SNCAIP: variants seen among roughly 807,000 people sequenced by gnomAD.
SNCAIP encodes the protein synphilin-1.
Under a neutral mutation model 86.7 loss-of-function variants are expected in SNCAIP, and 43 were observed. The observed-to-expected ratio is 0.50, with a 90% CI of 0.39 to 0.64. The LOEUF is 0.64. Ranked by LOEUF, SNCAIP falls within the 30% of genes least tolerant of loss-of-function variation. The pLI is 0.00. For synonymous variants in SNCAIP, 417 were observed against 427.2 expected (o/e 0.98, Z 0.29); for missense variants, 981 against 1,103.1 (o/e 0.89, Z 1.57).
At chr5:122,442,112 C>CT (rs10688988) in intron 7 of SNCAIP, among the ~76,000 whole-genome samples, 19,482 of 66,344 alleles carry the variant, frequency 0.29, 2,959 homozygotes, top group Non-Finnish European at 0.33. Flanking sequence ...AAGCAGTACT[C>CT]TTTTTTTTTT....
intron 6 of SNCAIP, among the ~76,000 whole-genome samples, chr5:122,433,380 G>C (rs938776284): frequency 1.3e-5 from 2 of 152,084 alleles, no homozygotes; most frequent in South Asian, 4.1e-4. Flanking sequence ...TAAGAGCAAA[G>C]ACTAGATTTC....
rs565716010 is a variant in SNCAIP, at chr5:122,333,921, C to T, written c.-47+21637C>T. ...TTTGCAGATAGACGACAATAAGAAG[C>T]CAGAAATTGTGGGGAAATGGAATGT... is the stretch of plus-strand genomic sequence containing the variant. On this transcript the variant is annotated intron_variant, in intron 1 of 10. Transcript: ENST00000261368. Among the ~76,000 whole-genome samples, 93 of 152,146 alleles carry T rather than the reference C, an allele frequency of 6.1e-4. 3 individuals carry two copies. In the South Asian group the frequency reaches 0.019, roughly 31 times the overall value.
chr5:122,390,276 A>G (rs940837797), intron 1 of SNCAIP, among the ~76,000 whole-genome samples: 23 of 152,186 alleles, frequency 1.5e-4, no homozygotes, highest in Admixed American at 6.5e-4. Context: ...CAGGAGATCT[A>G]TATTTCTGCT....
intron 10 of SNCAIP, among the ~76,000 whole-genome samples, chr5:122,454,802 C>T (rs543653524): frequency 6.6e-6 from 1 of 152,304 alleles, no homozygotes; most frequent in African/African-American, 2.4e-5. Flanking sequence ...GGGAGCAAGA[C>T]AATTAGTATC....
chr5:122,401,188 G>GCTTC, intron 2 of SNCAIP: 1 of 1,458,766 alleles, frequency 6.9e-7, no homozygotes, highest in Non-Finnish European at 9.2e-7. Context: ...TGGGATGAAG[G>GCTTC]CCTGGGAAGC....
chr5:122,315,124 T>A (rs1329185193), intron 1 of SNCAIP, among the ~76,000 whole-genome samples: 1 of 152,260 alleles, frequency 6.6e-6, no homozygotes, highest in Non-Finnish European at 1.5e-5. Context: ...ATTGCCACTA[T>A]AGCTTATGAT....
At chr5:122,347,216 T>A (rs1291879814) in intron 1 of SNCAIP, among the ~76,000 whole-genome samples, 1 of 152,150 alleles carries the variant, frequency 6.6e-6, no homozygotes, top group African/African-American at 2.4e-5. Flanking sequence ...AAGGATAGAC[T>A]GTGAATTCTT....
chr5:122,391,163 A>G lies in SNCAIP; in HGVS notation c.29A>G (p.Asp10Gly), dbSNP rs1450884642. Residue 10 changes from aspartate (D) to glycine (G), a missense_variant, in exon 2 of 11, where the codon GAT (aspartate) becomes GGT (glycine). Asp to Gly is a moderately conservative substitution (Grantham distance 94). Coordinates refer to ENST00000261368, the MANE Select transcript of SNCAIP (RefSeq NM_005460.4). Reference sequence around the variant, plus strand: ...GAAGCCCCTGAATACCTTGATTTGGATGAAATTGACTTTAGTGATGACATA... The same window carrying G: ...GAAGCCCCTGAATACCTTGATTTGGGTGAAATTGACTTTAGTGATGACATA... MEAPEYLDL[D>G]EIDFSDDISY... The G allele has an allele frequency of 1.9e-6, 3 of 1,611,558 alleles. No individual in the cohort carries two copies. Among genetic ancestry groups the G allele is most frequent in the Non-Finnish European group, 2.5e-6 (3 of 1,177,792 alleles).
intron 7 of SNCAIP, among the ~76,000 whole-genome samples, chr5:122,442,112 C>CTT (rs10688988): frequency 0.12 from 7,549 of 65,478 alleles, 403 homozygotes; most frequent in Admixed American, 0.14. Context: ...AAGCAGTACT[C>CTT]TTTTTTTTTT....
At position 122,365,225 on chromosome 5, in the gene SNCAIP, C is replaced by T. The variant is rs1412269614; in HGVS notation, c.-46-25864C>T. Among the ~76,000 whole-genome samples the T allele has an allele frequency of 2.0e-5, 3 of 152,106 alleles. No individual in the cohort carries two copies. In the East Asian group the frequency reaches 5.8e-4, roughly 29 times the overall value. ...AACCATGAACCTTATTAATCGTGAC[C>T]AATTTTATGATATATGCTTTTCCCC... On this transcript the variant is annotated intron_variant, in intron 1 of 10. Transcript: ENST00000261368.
At chr5:122,358,329 G>A (rs55928972) in intron 1 of SNCAIP, among the ~76,000 whole-genome samples, 39 of 149,636 alleles carry the variant, frequency 2.6e-4, no homozygotes, top group South Asian at 4.3e-4. Flanking sequence ...TATATTAGGT[G>A]TATCTCCTAA....
chr5:122,423,472 T>C lies in SNCAIP; in HGVS notation c.735T>C (p.Cys245=). 7.4e-6 allele frequency: 12 copies of C among 1,614,200 alleles called. No homozygotes were observed. The highest frequency in any genetic ancestry group is 1.0e-5 in the Non-Finnish European group (12 of 1,180,030). The change falls in exon 4 of 11, where the codon TGT becomes TGC. Residue 245 remains cysteine (C), a synonymous_variant. Coordinates refer to ENST00000261368, the MANE Select transcript of SNCAIP (RefSeq NM_005460.4). ...ETEISPPLVK[C]GSAYEPENQS... ...AGATCTCACCTCCTCTGGTTAAATG[T>C]GGCTCTGCATATGAGCCTGAAAACC...
chr5:122,426,740 C>T lies in SNCAIP; in HGVS notation c.1182+1209C>T, dbSNP rs577169313. On this transcript the variant is annotated intron_variant, in intron 5 of 10. Transcript: ENST00000261368. ...AAGAAAGATAAATAGAACTAAACTA[C>T]AGGCAGCTATCATGAAGAAAGATAA... 3.3e-5 allele frequency among the ~76,000 whole-genome samples: 5 copies of T among 152,300 alleles called. No individual in the cohort carries two copies. In the South Asian group the frequency reaches 1.0e-3, roughly 32 times the overall value.
intron 6 of SNCAIP, among the ~76,000 whole-genome samples, chr5:122,432,863 G>T (rs1205995508): frequency 6.6e-6 from 1 of 152,088 alleles, no homozygotes; most frequent in Non-Finnish European, 1.5e-5. Context: ...AAAAATAATA[G>T]TACTGTGTTA....
intron 1 of SNCAIP, among the ~76,000 whole-genome samples, chr5:122,373,174 A>G (rs974662560): frequency 6.6e-6 from 1 of 152,126 alleles, no homozygotes; most frequent in African/African-American, 2.4e-5. Context: ...ATTATACTGT[A>G]TATAGGAAAT....
chr5:122,448,950 A>C (rs1325980253), intron 8 of SNCAIP, among the ~76,000 whole-genome samples: 3 of 150,266 alleles, frequency 2.0e-5, no homozygotes, highest in African/African-American at 7.4e-5. Context: ...CGGGAGGCGG[A>C]GCTTCCAGTG....
intron 1 of SNCAIP, among the ~76,000 whole-genome samples, chr5:122,361,235 C>T (rs908410675): frequency 2.0e-5 from 3 of 148,306 alleles, no homozygotes; most frequent in South Asian, 2.1e-4. Context: ...CTGTCTTTAT[C>T]ATTTGATAGT....
chr5:122,419,842 T>G (rs569323508), intron 3 of SNCAIP, among the ~76,000 whole-genome samples: 1 of 152,350 alleles, frequency 6.6e-6, no homozygotes, highest in African/African-American at 2.4e-5. Flanking sequence ...AAATTTTTGA[T>G]AGATTTAAAT....
Position 122,463,720 on chromosome 5 carries a change from G to A in SNCAIP, c.*224G>A. The A allele has an allele frequency of 3.8e-6, 2 of 528,912 alleles. No homozygotes were observed. Among genetic ancestry groups the A allele is most frequent in the South Asian group, 3.1e-5 (1 of 32,120 alleles). 32.8% of individuals were successfully genotyped at this position (528,912 alleles called of 1,614,324 possible). A position where few individuals can be genotyped will look rare whatever the true frequency, so the allele number is the denominator to read the frequency against. Reference sequence around the variant, plus strand: ...AGGATGCCTTAAATTTATAGTAGTAGACTGTAAAAGATTCATTTTGGGGTG... The same window carrying A: ...AGGATGCCTTAAATTTATAGTAGTAAACTGTAAAAGATTCATTTTGGGGTG... On this transcript the variant is annotated 3_prime_UTR_variant, in exon 11 of 11. Coordinates refer to ENST00000261368, the MANE Select transcript of SNCAIP (RefSeq NM_005460.4).
Sources: allele counts gnomAD v4.1 joint callset (sites outside exome capture counted in the v4.1 genomes callset), GRCh38; gene constraint gnomAD v4.1.1; transcripts MANE v1.5; gene names NCBI Gene and HGNC (gene_info 2026-07-23, HGNC 2026-07-21).